Variants in UHRF1 observed in about 807,000 individuals in gnomAD.
UHRF1 encodes the protein E3 ubiquitin-protein ligase UHRF1.
UHRF1 carries 9 observed loss-of-function variants against 96.5 expected under a neutral mutation model. That is an observed-to-expected ratio of 0.09 (90% CI 0.06 to 0.16). UHRF1 has a LOEUF of 0.16. UHRF1 is among the 10% of genes least tolerant of loss of function. UHRF1 has a pLI of 1.00. For missense variants in UHRF1, 626 were observed against 1,131.1 expected, an observed-to-expected ratio of 0.55 and a Z score of 6.40; for synonymous variants, 455 against 469.9, an observed-to-expected ratio of 0.97 and a Z score of 0.41.
intron 11 of UHRF1, among the ~76,000 whole-genome samples, chr19:4,949,307 C>G (rs1360232381): frequency 6.6e-6 from 1 of 152,076 alleles, no homozygotes; most frequent in African/African-American, 2.4e-5. Context: ...AAATTGGAAC[C>G]ATCTTTCTGG....
chr19:4,944,744 C>T (rs528130882), intron 9 of UHRF1, among the ~76,000 whole-genome samples: 6 of 152,316 alleles, frequency 3.9e-5, no homozygotes, highest in East Asian at 3.9e-4. Flanking sequence ...CCTGTCTCAG[C>T]GCTGGTTGTG....
intron 16 of UHRF1, 85 bp downstream of exon 16, chr19:4,956,898 A>G: frequency 1.0e-6 from 1 of 968,210 alleles, no homozygotes; most frequent in Non-Finnish European, 1.6e-6. Context: ...GCCACTACAG[A>G]CAGAGGCTTG....
chr19:4,939,696 T>C (rs1188174593), intron 5 of UHRF1, among the ~76,000 whole-genome samples: 3 of 152,118 alleles, frequency 2.0e-5, no homozygotes, highest in African/African-American at 7.2e-5. Context: ...GCTTGAAATG[T>C]GGCCAGGAGG....
rs1411087263 is a variant in UHRF1, at chr19:4,932,937, T to C, written c.766T>C (p.Tyr256His). ...KRETRTAREL[Y>H]ANVVLGDDSL... ...CGAGACCAGGACGGCGCGGGAACTC[T>C]ACGCCAACGTGGTGCTGGGGTGAGC... is the stretch of plus-strand genomic sequence containing the variant. The change falls in exon 5 of 17, where the codon TAC becomes CAC. Residue 256 changes from tyrosine (Y) to histidine (H), a missense_variant. Physicochemically the swap from Tyr to His is moderately conservative, Grantham distance 83. Transcript: ENST00000650932. The C allele has an allele frequency of 2.5e-6, 4 of 1,612,388 alleles. No individual in the cohort carries two copies. The highest frequency in any genetic ancestry group is 3.4e-6 in the Non-Finnish European group (4 of 1,179,404).
rs952256998 is a variant in UHRF1, at chr19:4,909,640, C to T, written c.-26C>T. ...CACGCGCGCAGGCAGACAAGCTGTT[C>T]GCGGCGACCGGAGAGGTGAGCGGGC... is the stretch of plus-strand genomic sequence containing the variant. On this transcript the variant is annotated 5_prime_UTR_variant, in exon 1 of 17. Coordinates refer to ENST00000650932, the MANE Select transcript of UHRF1 (RefSeq NM_001048201.3). The T allele has an allele frequency of 8.7e-6, 5 of 572,552 alleles. No homozygotes were observed. In the East Asian group the frequency reaches 1.4e-4, roughly 16 times the overall value. 35.5% of individuals were successfully genotyped at this position (572,552 alleles called of 1,614,324 possible).
chr19:4,912,451 C>G (rs2032321006), intron 2 of UHRF1, among the ~76,000 whole-genome samples: 1 of 152,136 alleles, frequency 6.6e-6, no homozygotes, highest in South Asian at 2.1e-4. Flanking sequence ...CTCCCAAGTT[C>G]AGGAGAGGAG....
intron 2 of UHRF1, among the ~76,000 whole-genome samples, chr19:4,915,727 AAAAAC>A (rs2032473312): frequency 6.6e-6 from 1 of 152,198 alleles, no homozygotes; most frequent in African/African-American, 2.4e-5. Flanking sequence ...AAGCAAAACA[AAAAAC>A]AAAACCAAAA....
upstream of UHRF1, among the ~76,000 whole-genome samples, chr19:4,905,461 A>T (rs1333412345): frequency 6.9e-6 from 1 of 145,532 alleles, no homozygotes; most frequent in Middle Eastern, 3.3e-3. Context: ...TTTTTTTGCA[A>T]TTTTTTTTTT....
intron 11 of UHRF1, 58 bp downstream of exon 11, chr19:4,947,269 C>A: frequency 6.7e-7 from 1 of 1,494,802 alleles, no homozygotes. Context: ...AGTCTTGGTT[C>A]TGTTTTGGGC....
At chr19:4,944,038 G>A in intron 7 of UHRF1, 94 bp from the exon 8 acceptor site, 3 of 1,551,764 alleles carry the variant, frequency 1.9e-6, no homozygotes, top group Non-Finnish European at 2.6e-6. Flanking sequence ...TGCCAGGCGG[G>A]GAGAGCCATG....
intron 5 of UHRF1, among the ~76,000 whole-genome samples, chr19:4,939,827 A>C (rs1396271445): frequency 6.6e-6 from 1 of 152,184 alleles, no homozygotes; most frequent in Admixed American, 6.5e-5. Context: ...GATCGAGACC[A>C]TCCTGGCAAA....
At chr19:4,942,023 C>A in intron 7 of UHRF1, 92 bp downstream of exon 7, 3 of 1,306,480 alleles carry the variant, frequency 2.3e-6, no homozygotes, top group South Asian at 2.1e-5. Flanking sequence ...GGGGCAGGCG[C>A]GGGGGCTCAC....
intron 13 of UHRF1, among the ~76,000 whole-genome samples, chr19:4,952,684 G>A (rs1388239278): frequency 1.3e-5 from 2 of 151,668 alleles, no homozygotes; most frequent in African/African-American, 2.4e-5. Context: ...CCCTGGCCAG[G>A]ATTTTTTTTT....
chr19:4,951,052 C>A, intron 13 of UHRF1, 56 bp downstream of exon 13: 1 of 1,502,834 alleles, frequency 6.7e-7, no homozygotes, highest in East Asian at 2.4e-5. Context: ...GGATCACTTA[C>A]GTTAGGAGTT....
At chr19:4,946,341 G>C (rs568832251) in intron 10 of UHRF1, among the ~76,000 whole-genome samples, 2 of 152,084 alleles carry the variant, frequency 1.3e-5, no homozygotes, top group African/African-American at 4.8e-5. Context: ...CCATGTTGTC[G>C]CATGTGTCCG....
chr19:4,925,710 C>T (rs10425762), intron 2 of UHRF1, among the ~76,000 whole-genome samples: 6,502 of 151,886 alleles, frequency 0.043, 484 homozygotes, highest in African/African-American at 0.15. Flanking sequence ...TTAGTAGAGA[C>T]GGGGTTTCAC....
intron 5 of UHRF1, among the ~76,000 whole-genome samples, chr19:4,936,008 C>A (rs138930679): frequency 2.0e-5 from 3 of 152,312 alleles, no homozygotes; most frequent in East Asian, 1.9e-4. Context: ...AGGGGTGTCA[C>A]CAGGCAGGGA....
Position 4,917,124 on chromosome 19 carries a change from T to C in UHRF1, c.153+6086T>C, listed in dbSNP as rs1171586694. Among the ~76,000 whole-genome samples, 778 of 147,568 alleles carry C rather than the reference T, an allele frequency of 5.3e-3. 7 individuals carry two copies. Among genetic ancestry groups the C allele is most frequent in the African/African-American group, 0.019 (741 of 39,910 alleles). On this transcript the variant is annotated intron_variant, in intron 2 of 16. Transcript: ENST00000650932. ...TCTTAAGTTTTCGTTTTTTTTTTTT[T>C]TTTTTTCTTTTTTATAGAGATGGGA...
At chr19:4,940,783 C>T (rs1030939481) in intron 5 of UHRF1, among the ~76,000 whole-genome samples, 1 of 151,866 alleles carries the variant, frequency 6.6e-6, no homozygotes, top group Non-Finnish European at 1.5e-5. Context: ...AGCAATTCTC[C>T]TGCCTCAGCC....
Sources: allele counts gnomAD v4.1 joint callset (sites outside exome capture counted in the v4.1 genomes callset), GRCh38; gene constraint gnomAD v4.1.1; transcripts MANE v1.5; gene names NCBI Gene and HGNC (gene_info 2026-07-23, HGNC 2026-07-21).